FSTL5: variants seen among roughly 807,000 people sequenced by gnomAD.
FSTL5 encodes the protein follistatin-related protein 5.
A neutral mutation model predicts 89.1 loss-of-function variants in FSTL5; 62 were observed. The ratio of observed to expected loss-of-function variants is 0.70; its 90% CI spans 0.57 to 0.86. The LOEUF (loss-of-function observed/expected upper bound fraction) is 0.86, where lower values mean the gene tolerates loss of function less well. Ranked by LOEUF, FSTL5 falls within the 40% of genes least tolerant of loss-of-function variation. The pLI, the probability that FSTL5 is intolerant of heterozygous loss-of-function variation, is 0.00. For synonymous variants in FSTL5, 383 were observed against 346.2 expected, an observed-to-expected ratio of 1.11 and a Z score of -1.18; for missense variants, 1,057 against 1,001.6, an observed-to-expected ratio of 1.06 and a Z score of -0.75.
intron 10 of FSTL5, among the ~76,000 whole-genome samples, chr4:161,531,048 C>A (rs1731395198): frequency 6.6e-6 from 1 of 152,174 alleles, no homozygotes; most frequent in Admixed American, 6.5e-5. Context: ...CTGTTCTTTA[C>A]ATTTAAATCC....
intron 4 of FSTL5, among the ~76,000 whole-genome samples, chr4:161,913,006 A>G (rs1733739859): frequency 6.6e-6 from 1 of 152,106 alleles, no homozygotes; most frequent in Non-Finnish European, 1.5e-5. Flanking sequence ...GAAAGATATG[A>G]TTTAGGGTAT....
intron 1 of FSTL5, among the ~76,000 whole-genome samples, chr4:162,153,232 G>A (rs116211003): frequency 1.6e-3 from 236 of 151,970 alleles, no homozygotes; most frequent in African/African-American, 5.5e-3. Flanking sequence ...TTATAATTAT[G>A]GATAAAAACA....
chr4:161,802,983 T>C (rs1729845229), intron 4 of FSTL5, among the ~76,000 whole-genome samples: 1 of 151,926 alleles, frequency 6.6e-6, no homozygotes, highest in African/African-American at 2.4e-5. Context: ...AACACACATA[T>C]TGAGCTTTTT....
chr4:162,060,337 C>T (rs551678283), intron 2 of FSTL5, among the ~76,000 whole-genome samples: 1 of 152,070 alleles, frequency 6.6e-6, no homozygotes, highest in South Asian at 2.1e-4. Flanking sequence ...CATAGTAGAG[C>T]TTCTATAAAT....
At chr4:161,893,911 C>T (rs148629704) in intron 4 of FSTL5, among the ~76,000 whole-genome samples, 18 of 152,152 alleles carry the variant, frequency 1.2e-4, no homozygotes, top group South Asian at 2.1e-4. Flanking sequence ...TTCAGACTGG[C>T]AGCCAAAACC....
chr4:161,878,364 A>T (rs1218593824), intron 4 of FSTL5, among the ~76,000 whole-genome samples: 1 of 152,114 alleles, frequency 6.6e-6, no homozygotes, highest in Admixed American at 6.6e-5. Context: ...CGATTTGAGA[A>T]GCTCAAATCC....
At chr4:161,909,556 C>T (rs1733633913) in intron 4 of FSTL5, among the ~76,000 whole-genome samples, 2 of 152,032 alleles carry the variant, frequency 1.3e-5, no homozygotes, top group African/African-American at 4.8e-5. Context: ...GTTTTTTTCT[C>T]TCCTAAAATT....
chr4:161,549,881 T>C (rs1383078470), intron 8 of FSTL5, among the ~76,000 whole-genome samples: 1 of 151,984 alleles, frequency 6.6e-6, no homozygotes, highest in Non-Finnish European at 1.5e-5. Context: ...TTTTAGTGTC[T>C]GGAGGATCCA....
At chr4:161,934,874 G>A (rs1196153968) in intron 3 of FSTL5, among the ~76,000 whole-genome samples, 2 of 151,896 alleles carry the variant, frequency 1.3e-5, no homozygotes, top group Non-Finnish European at 2.9e-5. Flanking sequence ...CAAAGAAGTA[G>A]GCAATCTGCA....
intron 3 of FSTL5, among the ~76,000 whole-genome samples, chr4:162,015,088 C>T (rs1736879117): frequency 6.6e-6 from 1 of 152,048 alleles, no homozygotes; most frequent in South Asian, 2.1e-4. Context: ...AGTGATTTTA[C>T]AATCAAAAAT....
chr4:162,153,086 T>C (rs1161761257), intron 1 of FSTL5, among the ~76,000 whole-genome samples: 1 of 152,192 alleles, frequency 6.6e-6, no homozygotes, highest in Non-Finnish European at 1.5e-5. Context: ...CATCAATACT[T>C]GATAATCATA....
At chr4:162,061,650 T>C (rs545033949) in intron 2 of FSTL5, among the ~76,000 whole-genome samples, 1 of 152,090 alleles carries the variant, frequency 6.6e-6, no homozygotes, top group Non-Finnish European at 1.5e-5. Flanking sequence ...GTTCAAAAAT[T>C]AAGAATTTTA....
At chr4:161,739,184 A>C (rs1239954229) in intron 6 of FSTL5, among the ~76,000 whole-genome samples, 1 of 152,200 alleles carries the variant, frequency 6.6e-6, no homozygotes, top group African/African-American at 2.4e-5. Context: ...AGAAGTAATT[A>C]GTTAAGATGA....
chr4:161,991,682 G>A (rs540035927), intron 3 of FSTL5, among the ~76,000 whole-genome samples: 1 of 152,056 alleles, frequency 6.6e-6, no homozygotes, highest in Non-Finnish European at 1.5e-5. Context: ...GTTTCCACAG[G>A]GCCAACTGTG....
intron 6 of FSTL5, among the ~76,000 whole-genome samples, chr4:161,755,631 A>G (rs1485856655): frequency 2.0e-5 from 3 of 152,072 alleles, no homozygotes; most frequent in African/African-American, 7.2e-5. Flanking sequence ...GGAGGAAGGC[A>G]TCCTGGATGT....
intron 1 of FSTL5, among the ~76,000 whole-genome samples, chr4:162,116,439 A>G (rs377014641): frequency 2.6e-5 from 4 of 152,182 alleles, no homozygotes; most frequent in Admixed American, 1.3e-4. Context: ...AAATGAGGAA[A>G]GGGTTACTAT....
intron 12 of FSTL5, chr4:161,495,420 A>G (rs1730033217): frequency 6.6e-6 from 1 of 152,166 alleles, no homozygotes; most frequent in African/African-American, 2.4e-5. Context: ...ATAAGTCTGA[A>G]ATAGAATTCT....
chr4:161,679,847 C>A (rs1737456028), intron 6 of FSTL5, among the ~76,000 whole-genome samples: 1 of 151,660 alleles, frequency 6.6e-6, no homozygotes, highest in African/African-American at 2.4e-5. Flanking sequence ...AAGGGTCATG[C>A]CCTCACAGAG....
chr4:161,514,056 A>G (rs554921949), intron 10 of FSTL5, among the ~76,000 whole-genome samples: 1 of 152,274 alleles, frequency 6.6e-6, no homozygotes, highest in South Asian at 2.1e-4. Context: ...TAATTTAACC[A>G]AACAAAAATG....
Sources: allele counts gnomAD v4.1 joint callset (sites outside exome capture counted in the v4.1 genomes callset), GRCh38; gene constraint gnomAD v4.1.1; transcripts MANE v1.5; gene names NCBI Gene and HGNC (gene_info 2026-07-23, HGNC 2026-07-21).